PRRC2A: variants seen among roughly 807,000 people sequenced by gnomAD.
PRRC2A encodes proline rich coiled-coil 2A, also known as protein PRRC2A.
A neutral mutation model predicts 224.6 loss-of-function variants in PRRC2A; 59 were observed. That is an observed-to-expected ratio of 0.26 (90% CI 0.21 to 0.33). PRRC2A has a LOEUF of 0.33. Ranked by LOEUF, PRRC2A falls within the 10% of genes least tolerant of loss-of-function variation. The pLI, the probability that PRRC2A is intolerant of heterozygous loss-of-function variation, is 1.00. For missense variants in PRRC2A, 3,095 were observed against 2,880.7 expected (o/e 1.07, Z -1.70); for synonymous variants, 1,194 against 1,109.5 (o/e 1.08, Z -1.51).
Position 31,629,692 on chromosome 6 carries a change from A to G in PRRC2A, c.2101A>G (p.Lys701Glu), listed in dbSNP as rs751599629. Residue 701 changes from lysine to glutamate, a missense_variant, in exon 14 of 31, where the codon AAG (lysine) becomes GAG (glutamate). Coordinates refer to ENST00000376033, the MANE Select transcript of PRRC2A (RefSeq NM_004638.4). ...TCCACAGGCTCCACCCCCGCCCCCC[A>G]AGGCCCTGTACCCAGGTGCTCTGGG... ...PAPQAPPPPP[K>E]ALYPGALGRP... 1.6e-5 allele frequency: 13 copies of G among 834,312 alleles called. No individual in the cohort carries two copies. Among genetic ancestry groups the G allele is most frequent in the Non-Finnish European group, 2.2e-5 (13 of 597,770 alleles). The allele number at this position is 834,312 out of a possible 1,614,324, so 51.7% of individuals were successfully genotyped here. A position where few individuals can be genotyped will look rare whatever the true frequency, so the allele number is the denominator to read the frequency against.
At chr6:31,624,552 G>A (rs371566839) in intron 5 of PRRC2A, 30 bp downstream of exon 5, 2 of 1,582,956 alleles carry the variant, frequency 1.3e-6, no homozygotes, top group Non-Finnish European at 1.7e-6. Context: ...GGGGAGCTGT[G>A]TCTGGGCACC....
intron 16 of PRRC2A, 112 bp downstream of exon 16, chr6:31,633,104 G>A: frequency 1.5e-6 from 2 of 1,331,190 alleles, no homozygotes; most frequent in East Asian, 2.5e-5. Flanking sequence ...GGGGCCATGG[G>A]CTCTAGAATG....
In PRRC2A at chr6:31,632,924, G is replaced by C; in HGVS notation, c.4251G>C (p.Gly1417=). 1 of 1,612,346 alleles carries C rather than the reference G, an allele frequency of 6.2e-7. No homozygotes were observed. The highest frequency in any genetic ancestry group is 8.5e-7 in the Non-Finnish European group (1 of 1,179,632). Residue 1417 remains glycine, a synonymous_variant, in exon 16 of 31, where the codon GGG becomes GGC. Transcript: ENST00000376033. ...SSGSSSGGGG[G]GPGGRTGPGR... is the part of the protein sequence containing the mutation. ...GCAGCAGCAGTGGAGGAGGCGGTGGGGGTCCTGGAGGAAGGACCGGGCCAG... is the reference window on the plus strand; with the variant it reads ...GCAGCAGCAGTGGAGGAGGCGGTGGCGGTCCTGGAGGAAGGACCGGGCCAG...
chr6:31,626,055 G>A lies in PRRC2A; in HGVS notation c.875G>A (p.Gly292Glu). Residue 292 changes from glycine (G) to glutamate (E), a missense_variant, in exon 9 of 31, where the codon GGG (glycine) becomes GAG (glutamate). By Grantham distance (98) the Gly-to-Glu change is moderately conservative. Transcript: ENST00000376033. ...CGTGTGGCGGGCCCCCGAGGCTCAG[G>A]GCCACCAATGCGCTTAGTAGAGCCT... is the stretch of plus-strand genomic sequence containing the variant. ...FPRVAGPRGSGPPMRLVEPVG... is the reference protein window; with the variant it reads ...FPRVAGPRGSEPPMRLVEPVG... The A allele has an allele frequency of 6.2e-7, 1 of 1,612,458 alleles. No homozygotes were observed.
At position 31,626,511 on chromosome 6, in the gene PRRC2A, C is replaced by T. The variant is rs148302854; in HGVS notation, c.983-261C>T. Among the ~76,000 whole-genome samples the T allele has an allele frequency of 8.5e-3, 1,290 of 151,118 alleles. 6 individuals carry two copies. The highest frequency in any genetic ancestry group is 0.078 in the Middle Eastern group (23 of 294). ...GTTGGAGGTCACAGTGAGCTATGAT[C>T]GTGCCACTGAACTCCATCCTGGGCA... On this transcript the variant is annotated intron_variant, in intron 9 of 30. Coordinates refer to ENST00000376033, the MANE Select transcript of PRRC2A (RefSeq NM_004638.4).
intron 18 of PRRC2A, 99 bp downstream of exon 18, chr6:31,634,088 T>C (rs1411124852): frequency 6.3e-7 from 1 of 1,576,210 alleles, no homozygotes; most frequent in African/African-American, 1.4e-5. Context: ...TCTTTCACTG[T>C]GTTTTTACTC....
rs956290987 is a variant in PRRC2A at position 31,634,599 on chromosome 6, T to C, written c.4935+42T>C. The stretch of plus-strand genomic sequence containing the variant: ...GGGTGTGTCTGAGCTGGGACTTTTT[T>C]GAGCACTGGTCATACCCCCCACCTG... On this transcript the variant is annotated intron_variant, in intron 20 of 30. Coordinates refer to ENST00000376033, the MANE Select transcript of PRRC2A (RefSeq NM_004638.4). 6 of 1,602,668 alleles carry C rather than the reference T, an allele frequency of 3.7e-6. No individual in the cohort carries two copies. In the African/African-American group the frequency reaches 4.0e-5, roughly 11 times the overall value.
In PRRC2A at chr6:31,631,840, G is replaced by C; in HGVS notation, c.3167G>C (p.Ser1056Thr). ...GRGARSREFR[S>T]YREFRGDDGR... ...GGAGCCCGAAGCCGGGAATTCCGCA[G>C]TTACCGAGAGTTTCGAGGAGATGAT... Residue 1056 changes from serine (S) to threonine (T), a missense_variant, in exon 16 of 31, where the codon AGT becomes ACT. By Grantham distance (58) the Ser-to-Thr change is moderately conservative. Transcript: ENST00000376033. The surrounding 1 kb of genome is among the most constrained non-coding windows in gnomAD (Gnocchi z 4.5). The C allele has an allele frequency of 6.2e-7, 1 of 1,603,796 alleles. No homozygotes were observed. Among genetic ancestry groups the C allele is most frequent in the Non-Finnish European group, 8.5e-7 (1 of 1,174,584 alleles).
chr6:31,635,840 C>T (rs1306495623), intron 24 of PRRC2A, 91 bp downstream of exon 24: 4 of 1,476,014 alleles, frequency 2.7e-6, no homozygotes, highest in East Asian at 4.6e-5. Flanking sequence ...TTCTACGTTG[C>T]AGAGTTGTGA....
Position 31,632,085 on chromosome 6 carries a change from G to A in PRRC2A, c.3412G>A (p.Ala1138Thr), listed in dbSNP as rs373743189. 17 of 1,552,042 alleles carry A rather than the reference G, an allele frequency of 1.1e-5. No homozygotes were observed. The highest frequency in any genetic ancestry group is 1.5e-5 in the Non-Finnish European group (17 of 1,148,068). Reference sequence around the variant, plus strand: ...GGGAACACTCACCCAGGTCCCTCTCGCTCCCCCACCACCAGGAGCCCCACC... The same window carrying A: ...GGGAACACTCACCCAGGTCCCTCTCACTCCCCCACCACCAGGAGCCCCACC... ...KEGTLTQVPLAPPPPGAPPSP... is the reference protein window; with the variant it reads ...KEGTLTQVPLTPPPPGAPPSP... The change falls in exon 16 of 31, where the codon GCT (alanine) becomes ACT (threonine). Residue 1138 changes from alanine to threonine, a missense_variant. Transcript: ENST00000376033.
In PRRC2A at chr6:31,625,745, G is replaced by C; in HGVS notation, c.760-47G>C. On this transcript the variant is annotated intron_variant, in intron 7 of 30. Coordinates refer to ENST00000376033, the MANE Select transcript of PRRC2A (RefSeq NM_004638.4). The surrounding 1 kb of genome is among the most constrained non-coding windows in gnomAD (Gnocchi z 4.1). ...GATAGCAGGCTTAAGGAGCTAGAAG[G>C]GTATATGACTGTCCCTCTGAGCAGC... The C allele has an allele frequency of 6.4e-7, 1 of 1,556,774 alleles. No homozygotes were observed. The highest frequency in any genetic ancestry group is 2.2e-5 in the East Asian group (1 of 44,566).
At chr6:31,634,029 A>C in intron 18 of PRRC2A, 40 bp downstream of exon 18, 1 of 1,589,530 alleles carries the variant, frequency 6.3e-7, no homozygotes. Context: ...CTGCACTCTT[A>C]CTCGTGAAAA....
In PRRC2A at chr6:31,632,842, C is replaced by T; in HGVS notation, c.4169C>T (p.Pro1390Leu). The T allele has an allele frequency of 2.0e-5, 33 of 1,613,106 alleles. No individual in the cohort carries two copies. Among genetic ancestry groups the T allele is most frequent in the Non-Finnish European group, 2.8e-5 (33 of 1,180,032 alleles). ...AAACGGAGCTTCTCAAGTCAGCGGCCAGGCATGGAACGGCAGAATCGGCGC... is the reference window on the plus strand; with the variant it reads ...AAACGGAGCTTCTCAAGTCAGCGGCTAGGCATGGAACGGCAGAATCGGCGC... ...LSKRSFSSQR[P>L]GMERQNRRPG... is the part of the protein sequence containing the mutation. The change falls in exon 16 of 31, where the codon CCA becomes CTA. Residue 1390 changes from proline (P) to leucine (L), a missense_variant. This residue lies in a region of PRRC2A where 2,001 missense variants were observed against 1,764.9 expected (regional missense o/e 1.13). Coordinates refer to ENST00000376033, the MANE Select transcript of PRRC2A (RefSeq NM_004638.4).
Position 31,636,755 on chromosome 6 carries a change from C to T in PRRC2A, c.5957C>T (p.Ser1986Leu), listed in dbSNP as rs1276428615. 5 of 1,606,872 alleles carry T rather than the reference C, an allele frequency of 3.1e-6. No individual in the cohort carries two copies. Among genetic ancestry groups the T allele is most frequent in the Non-Finnish European group, 4.2e-6 (5 of 1,180,008 alleles). ...AQQMLLPMVD[S>L]QLPVVNFGSL... The stretch of plus-strand genomic sequence containing the variant: ...CAGATGCTTCTACCCATGGTAGACT[C>T]ACAGCTGCCTGTGGTGAACTTTGGC... Residue 1986 changes from serine (S) to leucine (L), a missense_variant, in exon 28 of 31, where the codon TCA becomes TTA. Around this residue, in one of 8 missense-constraint regions of PRRC2A, gnomAD observed 662 missense variants for 609.5 expected, o/e 1.09. Coordinates refer to ENST00000376033, the MANE Select transcript of PRRC2A (RefSeq NM_004638.4). This position sits in a 1 kb window ranked among gnomAD's most constrained non-coding sequence, Gnocchi z 4.3.
chr6:31,631,535 ACCT>A lies in PRRC2A; in HGVS notation c.2865_2867del (p.Pro958del), dbSNP rs774515436. 9 of 1,591,310 alleles carry A rather than the reference ACCT, an allele frequency of 5.7e-6. No homozygotes were observed. The highest frequency in any genetic ancestry group is 1.7e-4 in the Middle Eastern group (1 of 5,964). Reference sequence around the variant, plus strand: ...CCCGCCGGGCTGGGCCTATAAAGAAACCTCCACCACCTACAAAAGTAGAAGAGC... The same window carrying A: ...CCCGCCGGGCTGGGCCTATAAAGAAACCACCACCTACAAAAGTAGAAGAGC... On this transcript the variant is annotated inframe_deletion, in exon 16 of 31. Transcript: ENST00000376033. This position sits in a 1 kb window ranked among gnomAD's most constrained non-coding sequence, Gnocchi z 4.5.
chr6:31,629,375 C>T, intron 13 of PRRC2A, 41 bp downstream of exon 13: 2 of 1,527,284 alleles, frequency 1.3e-6, no homozygotes, highest in Admixed American at 2.1e-5. Context: ...TGCTTTTCTT[C>T]CTGGCTTCGG....
At chr6:31,633,028 A>C in intron 16 of PRRC2A, 36 bp downstream of exon 16, 1 of 1,469,890 alleles carries the variant, frequency 6.8e-7, no homozygotes, top group Non-Finnish European at 9.0e-7. Context: ...GTGGTTTAAA[A>C]ATTGGAGGAG....
chr6:31,632,669 T>A lies in PRRC2A; in HGVS notation c.3996T>A (p.Ser1332Arg). Residue 1332 changes from serine (S) to arginine (R), a missense_variant, in exon 16 of 31, where the codon AGT (serine) becomes AGA (arginine). This residue lies in a region of PRRC2A where 2,001 missense variants were observed against 1,764.9 expected (regional missense o/e 1.13). Transcript: ENST00000376033. ...CATCAGAGAGCAGTGACTTCACCAG[T>A]GAGCGCCGAGGGGACAAAGAGGCAC... ...ETASESSDFTSERRGDKEAPP... is the reference protein window; with the variant it reads ...ETASESSDFTRERRGDKEAPP... 1 of 1,613,038 alleles carries A rather than the reference T, an allele frequency of 6.2e-7. No homozygotes were observed. Among genetic ancestry groups the A allele is most frequent in the Non-Finnish European group, 8.5e-7 (1 of 1,180,012 alleles).
At position 31,637,750 on chromosome 6, in the gene PRRC2A, T is replaced by TA. The variant is rs1262121943; in HGVS notation, c.*168dup. 1 of 433,306 alleles carries TA rather than the reference T, an allele frequency of 2.3e-6. No individual in the cohort carries two copies. The highest frequency in any genetic ancestry group is 4.0e-6 in the Non-Finnish European group (1 of 248,012). The allele number at this position is 433,306 out of a possible 1,614,324, so 26.8% of individuals were successfully genotyped here. A position where few individuals can be genotyped will look rare whatever the true frequency, so the allele number is the denominator to read the frequency against. ...GGGGCTGTTTGTTAAAAAAGAGTAA[T>TA]AAAAGGATTTAAAAAAAAAAACTTC... On this transcript the variant is annotated 3_prime_UTR_variant, in exon 31 of 31. Coordinates refer to ENST00000376033, the MANE Select transcript of PRRC2A (RefSeq NM_004638.4).
Sources: gnomAD v4.1 joint callset for allele counts (sites outside exome capture counted in the v4.1 genomes callset) on GRCh38, gnomAD v4.1.1 for gene constraint, gnomAD v4.1.1 regional missense constraint, Gnocchi (gnomAD v3.1) non-coding constraint, MANE v1.5 for transcripts, NCBI Gene and HGNC (gene_info 2026-07-23, HGNC 2026-07-21) for gene names.